Variants in MME observed in about 807,000 individuals in gnomAD.
MME encodes membrane metalloendopeptidase, also known as neprilysin.
In MME, 98 loss-of-function variants were observed where a neutral mutation model predicts 113.2. The ratio of observed to expected loss-of-function variants is 0.87; its 90% CI spans 0.74 to 1.02. MME has a LOEUF of 1.02. Among genes scored for constraint, MME ranks in the 50% least tolerant of loss-of-function variants. MME has a pLI of 0.00. For missense variants in MME, 836 were observed against 896.0 expected (o/e 0.93, Z 0.86); for synonymous variants, 292 against 300.6 (o/e 0.97, Z 0.30).
intron 15 of MME, among the ~76,000 whole-genome samples, chr3:155,148,263 C>T (rs901855272): frequency 2.6e-5 from 4 of 152,040 alleles, no homozygotes; most frequent in African/African-American, 7.2e-5. Flanking sequence ...CTATTATCCA[C>T]ATGTGTTATG....
intron 13 of MME, among the ~76,000 whole-genome samples, chr3:155,143,947 A>C (rs368533086): frequency 3.7e-4 from 57 of 152,306 alleles, no homozygotes; most frequent in Admixed American, 1.7e-3. Flanking sequence ...GAGTATAAGA[A>C]ATGTGCTTTA....
intron 1 of MME, among the ~76,000 whole-genome samples, chr3:155,060,523 G>A (rs1279675962): frequency 1.3e-5 from 2 of 152,022 alleles, no homozygotes; most frequent in African/African-American, 4.8e-5. Context: ...GGTGCTTACT[G>A]TTGTGATGGA....
intron 16 of MME, among the ~76,000 whole-genome samples, chr3:155,155,817 T>C (rs2108341370): frequency 6.6e-6 from 1 of 152,332 alleles, no homozygotes; most frequent in South Asian, 2.1e-4. Context: ...CTCTCCGAAA[T>C]AAAGCATACC....
At chr3:155,027,991 A>G (rs971475468) in intron 1 of MME, among the ~76,000 whole-genome samples, 2 of 152,228 alleles carry the variant, frequency 1.3e-5, no homozygotes, top group Non-Finnish European at 1.5e-5. Flanking sequence ...ACTAATTTCT[A>G]GCAATCTATT....
chr3:155,042,116 G>A (rs1191276858), intron 1 of MME, among the ~76,000 whole-genome samples: 5 of 152,112 alleles, frequency 3.3e-5, no homozygotes, highest in African/African-American at 9.7e-5. Context: ...TAATGACCAC[G>A]TTTTCTTCCA....
At chr3:155,093,362 T>C (rs904424832) in intron 3 of MME, among the ~76,000 whole-genome samples, 3 of 152,108 alleles carry the variant, frequency 2.0e-5, no homozygotes, top group African/African-American at 7.2e-5. Flanking sequence ...GATTAGGTGT[T>C]GGAAGTCCTG....
At chr3:155,055,313 A>G (rs1713888180) in intron 1 of MME, among the ~76,000 whole-genome samples, 1 of 152,222 alleles carries the variant, frequency 6.6e-6, no homozygotes, top group Non-Finnish European at 1.5e-5. Flanking sequence ...AATCTATTGT[A>G]TTGACCAGGC....
intron 3 of MME, among the ~76,000 whole-genome samples, chr3:155,107,067 A>G (rs2108230423): frequency 6.6e-6 from 1 of 152,332 alleles, no homozygotes; most frequent in East Asian, 1.9e-4. Context: ...AGAATAGTCA[A>G]TGGAGGGACC....
intron 16 of MME, among the ~76,000 whole-genome samples, chr3:155,152,883 A>G (rs1415294255): frequency 1.3e-5 from 2 of 151,984 alleles, no homozygotes; most frequent in Non-Finnish European, 2.9e-5. Context: ...TTTCACTATC[A>G]TGGCTGGGGA....
At chr3:155,084,907 C>T in intron 2 of MME, 152 bp from the exon 3 acceptor site, 1 of 466,470 alleles carries the variant, frequency 2.1e-6, no homozygotes, top group South Asian at 5.0e-5. Flanking sequence ...TATATTTTTT[C>T]TAACCACTGA....
chr3:155,163,757 T>C (rs1360127515), intron 17 of MME, among the ~76,000 whole-genome samples: 2 of 152,218 alleles, frequency 1.3e-5, no homozygotes, highest in African/African-American at 4.8e-5. Context: ...TAGTTAAATT[T>C]TCTAAATTGC....
At chr3:155,151,367 A>G (rs1471799496) in intron 16 of MME, among the ~76,000 whole-genome samples, 1 of 152,072 alleles carries the variant, frequency 6.6e-6, no homozygotes, top group Non-Finnish European at 1.5e-5. Context: ...TTAAATTTTC[A>G]AGACAGCAAC....
chr3:155,152,930 T>A (rs921325821), intron 16 of MME, among the ~76,000 whole-genome samples: 1 of 151,976 alleles, frequency 6.6e-6, no homozygotes, highest in Non-Finnish European at 1.5e-5. Flanking sequence ...TTCAAGAAAT[T>A]GAGGAAGTCA....
intron 1 of MME, among the ~76,000 whole-genome samples, chr3:155,061,661 GTTTT>G (rs1194964540): frequency 7.5e-6 from 1 of 133,748 alleles, no homozygotes; most frequent in Non-Finnish European, 1.6e-5. Flanking sequence ...TTATCTGTAG[GTTTT>G]TTTTTTTTTT....
intron 3 of MME, among the ~76,000 whole-genome samples, chr3:155,085,951 A>C (rs375745409): frequency 6.6e-6 from 1 of 152,240 alleles, no homozygotes; most frequent in Non-Finnish European, 1.5e-5. Flanking sequence ...TGTACGCTTG[A>C]TAGAAGGACA....
intron 3 of MME, among the ~76,000 whole-genome samples, chr3:155,111,146 GC>G (rs1718157505): frequency 6.6e-6 from 1 of 152,142 alleles, no homozygotes; most frequent in Non-Finnish European, 1.5e-5. Flanking sequence ...GTTTCCTACG[GC>G]CTTCTACCCA....
At chr3:155,165,364 A>G (rs1723017730) in intron 17 of MME, among the ~76,000 whole-genome samples, 1 of 152,184 alleles carries the variant, frequency 6.6e-6, no homozygotes, top group Non-Finnish European at 1.5e-5. Context: ...TATTTAAGAC[A>G]CATTATTAGT....
chr3:155,103,086 G>A (rs189238856), intron 3 of MME, among the ~76,000 whole-genome samples: 1 of 152,006 alleles, frequency 6.6e-6, no homozygotes, highest in Admixed American at 6.6e-5. Context: ...TTCATTCCCA[G>A]AGCATCCTAT....
chr3:155,180,647 G>T lies in MME; in HGVS notation c.*188G>T, dbSNP rs1206370235. 3.3e-6 allele frequency: 2 copies of T among 609,950 alleles called. No homozygotes were observed. Among genetic ancestry groups the T allele is most frequent in the Non-Finnish European group, 6.0e-6 (2 of 333,298 alleles). The allele number at this position is 609,950 out of a possible 1,614,324, so 37.8% of individuals were successfully genotyped here. A position where few individuals can be genotyped will look rare whatever the true frequency, so the allele number is the denominator to read the frequency against. ...GAAAGGGTGTGGAGGGAGGAAGGGG[G>T]TCTAAGGTCTATCAAGTCAATCATT... On this transcript the variant is annotated 3_prime_UTR_variant, in exon 23 of 23. Transcript: ENST00000360490.
Sources: allele counts gnomAD v4.1 joint callset (sites outside exome capture counted in the v4.1 genomes callset), GRCh38; gene constraint gnomAD v4.1.1; transcripts MANE v1.5; gene names NCBI Gene and HGNC (gene_info 2026-07-23, HGNC 2026-07-21).